The following DIAPH2 variants were observed in gnomAD, a reference collection of about 807,000 sequenced individuals.
DIAPH2 encodes protein diaphanous homolog 2.
Under a neutral mutation model 92.7 loss-of-function variants are expected in DIAPH2, and 35 were observed. That is an observed-to-expected ratio of 0.38 (90% CI 0.29 to 0.50). The LOEUF (loss-of-function observed/expected upper bound fraction) is 0.50, where lower values mean the gene tolerates loss of function less well. Ranked by LOEUF, DIAPH2 falls within the 20% of genes least tolerant of loss-of-function variation. The pLI, the probability that DIAPH2 is intolerant of heterozygous loss-of-function variation, is 0.94. For missense variants in DIAPH2, 701 were observed against 819.5 expected, an observed-to-expected ratio of 0.86 and a Z score of 1.77; for synonymous variants, 301 against 280.4, an observed-to-expected ratio of 1.07 and a Z score of -0.73.
At chrX:96,721,573 C>A (rs1235282531) in intron 1 of DIAPH2, among the ~76,000 whole-genome samples, 1 of 112,227 alleles carries the variant, frequency 8.9e-6, no homozygotes. Flanking sequence ...ATAGCCCTTG[C>A]TCAAATTCTG....
At chrX:97,533,628 G>T (rs1235064338) in intron 26 of DIAPH2, among the ~76,000 whole-genome samples, 1 of 110,597 alleles carries the variant, frequency 9.0e-6, no homozygotes. Context: ...TCTGGTCAAT[G>T]TGTTGCCTGA....
intron 26 of DIAPH2, among the ~76,000 whole-genome samples, chrX:97,597,729 G>C (rs1382871505): frequency 2.7e-5 from 3 of 111,060 alleles, no homozygotes; most frequent in Non-Finnish European, 3.8e-5. Context: ...TGACATCTAA[G>C]TAATAAGTCC....
At chrX:97,451,692 A>G (rs1449240855) in intron 26 of DIAPH2, among the ~76,000 whole-genome samples, 1 of 111,673 alleles carries the variant, frequency 9.0e-6, no homozygotes, top group Non-Finnish European at 1.9e-5. Flanking sequence ...TTGAACTTAC[A>G]GTTGCATTGC....
At chrX:97,168,165 A>C (rs2067425564) in intron 22 of DIAPH2, among the ~76,000 whole-genome samples, 1 of 107,831 alleles carries the variant, frequency 9.3e-6, no homozygotes, top group East Asian at 2.9e-4. Flanking sequence ...GCTCACTGCA[A>C]CCTCTGCTTC....
chrX:96,714,425 C>T lies in DIAPH2; in HGVS notation c.133-21333C>T, dbSNP rs181032517. On this transcript the variant is annotated intron_variant, in intron 1 of 26. Transcript: ENST00000324765. ...GATTACAGGCATGCGCCACCACACCCGGCTAATTTTGTATTTTTAGTAGAG... is the reference window on the plus strand; with the variant it reads ...GATTACAGGCATGCGCCACCACACCTGGCTAATTTTGTATTTTTAGTAGAG... Among the ~76,000 whole-genome samples, 14 of 109,886 alleles carry T rather than the reference C, an allele frequency of 1.3e-4. No individual in the cohort carries two copies. The East Asian group carries it at 3.1e-3, about 25-fold the overall frequency.
At chrX:97,465,272 C>CAGA (rs1569404523) in intron 26 of DIAPH2, among the ~76,000 whole-genome samples, 2 of 110,508 alleles carry the variant, frequency 1.8e-5, no homozygotes, top group African/African-American at 6.7e-5. Flanking sequence ...TTAGAATTCA[C>CAGA]CCACACACAC....
chrX:96,880,987 A>G (rs960568145), intron 4 of DIAPH2, among the ~76,000 whole-genome samples: 2 of 111,887 alleles, frequency 1.8e-5, no homozygotes, highest in Non-Finnish European at 3.8e-5. Context: ...CTACAACCTG[A>G]GAGTACCAGA....
chrX:97,357,773 G>A (rs758699780), intron 24 of DIAPH2, among the ~76,000 whole-genome samples: 5 of 111,915 alleles, frequency 4.5e-5, no homozygotes, highest in Non-Finnish European at 7.5e-5. Flanking sequence ...TAGTGGGAAA[G>A]GCAGTGAAAG....
chrX:97,518,331 C>A (rs941814580), intron 26 of DIAPH2, among the ~76,000 whole-genome samples: 1 of 111,280 alleles, frequency 9.0e-6, no homozygotes, highest in African/African-American at 3.3e-5. Context: ...GCTTCATTTA[C>A]ACGTAGCTGT....
At chrX:97,203,889 A>G (rs1420628321) in intron 22 of DIAPH2, among the ~76,000 whole-genome samples, 1 of 112,301 alleles carries the variant, frequency 8.9e-6, no homozygotes. Flanking sequence ...CTTCAGGCCA[A>G]TATCCCTAAT....
chrX:97,476,984 T>TATACACACACAC (rs1280074551), intron 26 of DIAPH2, among the ~76,000 whole-genome samples: 2 of 57,070 alleles, frequency 3.5e-5, no homozygotes, highest in Admixed American at 2.4e-4. Flanking sequence ...TATATATATA[T>TATACACACACAC]ACACACACAC....
intron 19 of DIAPH2, among the ~76,000 whole-genome samples, chrX:97,078,921 G>C (rs1265031696): frequency 9.1e-6 from 1 of 110,475 alleles, no homozygotes; most frequent in Non-Finnish European, 1.9e-5. Flanking sequence ...TATTTTTCTG[G>C]TATAGATAAG....
chrX:97,548,075 A>T (rs2071193990), intron 26 of DIAPH2, among the ~76,000 whole-genome samples: 1 of 112,050 alleles, frequency 8.9e-6, no homozygotes. Flanking sequence ...GACCACTGGG[A>T]AAGGTCCAAG....
chrX:97,163,896 G>C (rs2067392954), intron 22 of DIAPH2, among the ~76,000 whole-genome samples: 1 of 112,122 alleles, frequency 8.9e-6, no homozygotes, highest in African/African-American at 3.2e-5. Flanking sequence ...GTTTTATACA[G>C]AACAATTTGA....
chrX:97,230,484 G>A (rs2068001588), intron 22 of DIAPH2, among the ~76,000 whole-genome samples: 1 of 111,932 alleles, frequency 8.9e-6, no homozygotes, highest in African/African-American at 3.2e-5. Flanking sequence ...TCTTATTGCA[G>A]CATTTATAAT....
chrX:97,172,620 A>C (rs893785048), intron 22 of DIAPH2, among the ~76,000 whole-genome samples: 2 of 112,342 alleles, frequency 1.8e-5, no homozygotes, highest in Non-Finnish European at 3.8e-5. Flanking sequence ...GCACTGCTTG[A>C]AAAATCAAGG....
intron 17 of DIAPH2, among the ~76,000 whole-genome samples, chrX:97,032,750 A>G (rs2066385225): frequency 9.0e-6 from 1 of 111,658 alleles, no homozygotes; most frequent in Non-Finnish European, 1.9e-5. Context: ...AGTTTCCTGG[A>G]ATATTTTTAA....
At chrX:96,925,883 G>A (rs977163053) in intron 9 of DIAPH2, among the ~76,000 whole-genome samples, 2 of 111,239 alleles carry the variant, frequency 1.8e-5, no homozygotes, top group Non-Finnish European at 3.8e-5. Context: ...CATGACTTCC[G>A]TTGGCTTGGA....
At chrX:97,497,814 A>T (rs2070769821) in intron 26 of DIAPH2, among the ~76,000 whole-genome samples, 1 of 111,147 alleles carries the variant, frequency 9.0e-6, no homozygotes, top group African/African-American at 3.3e-5. Context: ...CCTAAGAAAG[A>T]AATTGCGGGC....
Sources: gnomAD v4.1 joint callset for allele counts (sites outside exome capture counted in the v4.1 genomes callset) on GRCh38, gnomAD v4.1.1 for gene constraint, MANE v1.5 for transcripts, NCBI Gene and HGNC (gene_info 2026-07-23, HGNC 2026-07-21) for gene names.